GIGYF2: variants seen among roughly 807,000 people sequenced by gnomAD.
The protein encoded by GIGYF2 is GRB10-interacting GYF protein 2.
A neutral mutation model predicts 208.1 loss-of-function variants in GIGYF2; 25 were observed. The ratio of observed to expected loss-of-function variants is 0.12; its 90% CI spans 0.09 to 0.17. The LOEUF (loss-of-function observed/expected upper bound fraction) is 0.17, where lower values mean the gene tolerates loss of function less well. Ranked by LOEUF, GIGYF2 falls within the 10% of genes least tolerant of loss-of-function variation. The probability of loss-of-function intolerance (pLI) is 1.00; values close to 1 mark genes in which losing one functional copy is unlikely to be tolerated. For missense variants in GIGYF2, 1,302 were observed against 1,579.4 expected (o/e 0.82, Z 2.98); for synonymous variants, 534 against 543.8 (o/e 0.98, Z 0.25).
At chr2:232,709,467 G>A (rs781759696) in intron 2 of GIGYF2, among the ~76,000 whole-genome samples, 1 of 152,098 alleles carries the variant, frequency 6.6e-6, no homozygotes, top group Non-Finnish European at 1.5e-5. Flanking sequence ...GGGGCTATAC[G>A]CGCGGCCCAT....
chr2:232,743,328 G>A (rs1469892441), intron 3 of GIGYF2, among the ~76,000 whole-genome samples: 3 of 149,174 alleles, frequency 2.0e-5, no homozygotes, highest in African/African-American at 7.3e-5. Flanking sequence ...TTAAACAAAT[G>A]AGGAGATATG....
In GIGYF2 at chr2:232,815,655, T is replaced by A; in HGVS notation, c.2126T>A (p.Val709Glu). ...SQPTVWEGGS[V>E]WDLPLDTTTP... ...CTTACAGTTTGGGAAGGTGGTAGTG[T>A]ATGGGATCTTCCTCTGGACACCACG... The change falls in exon 19 of 29, where the codon GTA becomes GAA. Residue 709 changes from valine (V) to glutamate (E), a missense_variant. Val to Glu is a moderately radical substitution (Grantham distance 121, BLOSUM62 -2). This residue lies in a region of GIGYF2 where 701 missense variants were observed against 793.0 expected (regional missense o/e 0.88). Coordinates refer to ENST00000373563, the MANE Select transcript of GIGYF2 (RefSeq NM_001103146.3). The A allele has an allele frequency of 6.3e-7, 1 of 1,587,610 alleles. No homozygotes were observed. The highest frequency in any genetic ancestry group is 1.3e-5 in the African/African-American group (1 of 74,474).
intron 2 of GIGYF2, among the ~76,000 whole-genome samples, chr2:232,716,682 C>T (rs1696697324): frequency 6.6e-6 from 1 of 152,100 alleles, no homozygotes; most frequent in African/African-American, 2.4e-5. Flanking sequence ...TGCGCCTGGC[C>T]AGTGTTTTTT....
rs1408780076 is a variant in GIGYF2 at position 232,858,514 on chromosome 2, G to A, written c.*1654G>A. 1.1e-5 allele frequency: 5 copies of A among 456,438 alleles called. No homozygotes were observed. The highest frequency in any genetic ancestry group is 1.8e-5 in the Non-Finnish European group (4 of 226,794). The allele number at this position is 456,438 out of a possible 1,614,324, so 28.3% of individuals were successfully genotyped here. A position where few individuals can be genotyped will look rare whatever the true frequency, so the allele number is the denominator to read the frequency against. ...CCTTTGCTTTGTAAATTCAAAAGTT[G>A]GGGGTGGGTAAGAGGGATAGTTAAA... On this transcript the variant is annotated 3_prime_UTR_variant, in exon 29 of 29. Transcript: ENST00000373563.
intron 20 of GIGYF2, among the ~76,000 whole-genome samples, chr2:232,819,173 T>A (rs932031127): frequency 2.0e-5 from 3 of 152,148 alleles, no homozygotes; most frequent in Non-Finnish European, 4.4e-5. Flanking sequence ...CATGCTGAGA[T>A]GAAATGAGAA....
In GIGYF2 at chr2:232,860,259, G is replaced by A. The variant is rs542029538; in HGVS notation, c.*3399G>A. ...TGATCCTGTTGCCTCAGCCTCCCAA[G>A]TAGCTGGGACTACAGCTATGTGCCA... On this transcript the variant is annotated 3_prime_UTR_variant, in exon 29 of 29. Coordinates refer to ENST00000373563, the MANE Select transcript of GIGYF2 (RefSeq NM_001103146.3). The A allele has an allele frequency of 4.6e-5, 7 of 152,160 alleles. No homozygotes were observed. Among genetic ancestry groups the A allele is most frequent in the Admixed American group, 4.6e-4 (7 of 15,282 alleles). 9.4% of individuals were successfully genotyped at this position (152,160 alleles called of 1,614,324 possible).
At chr2:232,832,045 C>G (rs1443763965) in intron 21 of GIGYF2, among the ~76,000 whole-genome samples, 1 of 152,074 alleles carries the variant, frequency 6.6e-6, no homozygotes, top group Non-Finnish European at 1.5e-5. Flanking sequence ...ACAGGAGCTG[C>G]CATAGGTGGA....
chr2:232,814,099 T>C (rs1700828638), intron 18 of GIGYF2, among the ~76,000 whole-genome samples: 1 of 151,572 alleles, frequency 6.6e-6, no homozygotes, highest in South Asian at 2.1e-4. Flanking sequence ...TTGGCCAGGC[T>C]GATTTCAAAC....
intron 2 of GIGYF2, among the ~76,000 whole-genome samples, chr2:232,717,545 CT>C (rs1255055672): frequency 6.6e-6 from 1 of 152,118 alleles, no homozygotes; most frequent in Non-Finnish European, 1.5e-5. Flanking sequence ...CATTTATTAT[CT>C]ATTTGTCTTA....
intron 22 of GIGYF2, among the ~76,000 whole-genome samples, chr2:232,834,492 A>C (rs1701520049): frequency 6.6e-6 from 1 of 152,210 alleles, no homozygotes. Flanking sequence ...TCTGGCTTTC[A>C]GCATTTTTAC....
At chr2:232,720,580 TATA>T (rs1182215669) in intron 2 of GIGYF2, among the ~76,000 whole-genome samples, 3 of 132,424 alleles carry the variant, frequency 2.3e-5, no homozygotes, top group Admixed American at 7.5e-5. Context: ...TATATATATA[TATA>T]TTTTTGTTTG....
At chr2:232,836,326 ATATACATATATATACTTATATATTT>A (rs1559160711) in intron 22 of GIGYF2, among the ~76,000 whole-genome samples, 664 of 27,880 alleles carry the variant, frequency 0.024, 140 homozygotes, top group African/African-American at 0.062. Context: ...ATATATATAT[ATATACATATATATACTTATATATTT>A]ATATATATAA....
At chr2:232,836,332 A>ATATATATACT (rs1701625393) in intron 22 of GIGYF2, among the ~76,000 whole-genome samples, 1 of 30,564 alleles carries the variant, frequency 3.3e-5, no homozygotes, top group African/African-American at 1.1e-4. Context: ...ATATATATAC[A>ATATATATACT]TATATATACT....
At position 232,858,274 on chromosome 2, in the gene GIGYF2, G is replaced by A. The variant is rs756302817; in HGVS notation, c.*1414G>A. On this transcript the variant is annotated 3_prime_UTR_variant, in exon 29 of 29. Coordinates refer to ENST00000373563, the MANE Select transcript of GIGYF2 (RefSeq NM_001103146.3). Reference sequence around the variant, plus strand: ...CTGCCTGTCATTGTTGCCTGAAGAAGGCTGGAGTTGCTCTGAGAGCAGTTT... The same window carrying A: ...CTGCCTGTCATTGTTGCCTGAAGAAAGCTGGAGTTGCTCTGAGAGCAGTTT... The A allele has an allele frequency of 2.9e-6, 1 of 349,802 alleles. No individual in the cohort carries two copies. Among genetic ancestry groups the A allele is most frequent in the Non-Finnish European group, 5.5e-6 (1 of 181,418 alleles). The allele number at this position is 349,802 out of a possible 1,614,324, so 21.7% of individuals were successfully genotyped here. A position where few individuals can be genotyped will look rare whatever the true frequency, so the allele number is the denominator to read the frequency against.
At chr2:232,827,165 C>G (rs114902750) in intron 21 of GIGYF2, among the ~76,000 whole-genome samples, 298 of 143,050 alleles carry the variant, frequency 2.1e-3, no homozygotes, top group African/African-American at 7.3e-3. Context: ...ATTTACCATT[C>G]TGAAAATCCT....
At chr2:232,842,641 A>G (rs1701854260) in intron 23 of GIGYF2, among the ~76,000 whole-genome samples, 1 of 152,200 alleles carries the variant, frequency 6.6e-6, no homozygotes, top group South Asian at 2.1e-4. Context: ...TAAGGCACTC[A>G]GAAGCTGATT....
At chr2:232,763,374 A>G (rs1667960701) in intron 8 of GIGYF2, among the ~76,000 whole-genome samples, 1 of 152,172 alleles carries the variant, frequency 6.6e-6, no homozygotes, top group African/African-American at 2.4e-5. Context: ...CCCCCAGTGG[A>G]TGCCTGAAAC....
intron 21 of GIGYF2, among the ~76,000 whole-genome samples, chr2:232,828,371 CTT>C (rs766631473): frequency 1.8e-4 from 25 of 138,650 alleles, no homozygotes; most frequent in Admixed American, 2.2e-4. Context: ...AATTTATTGA[CTT>C]TTTTTTTTTT....
At chr2:232,697,500 TCCTCCTGC>T (rs1295806663) in intron 1 of GIGYF2, 108 bp downstream of exon 1, 6 of 153,130 alleles carry the variant, frequency 3.9e-5, no homozygotes, top group Non-Finnish European at 8.7e-5. Flanking sequence ...GCGCCCCTGC[TCCTCCTGC>T]CCGAGCTGGC....
Sources: allele counts gnomAD v4.1 joint callset (sites outside exome capture counted in the v4.1 genomes callset), GRCh38; gene constraint gnomAD v4.1.1; regional missense constraint gnomAD v4.1.1; transcripts MANE v1.5; gene names NCBI Gene and HGNC (gene_info 2026-07-23, HGNC 2026-07-21).